OPCML: variants seen among roughly 807,000 people sequenced by gnomAD.
The protein encoded by OPCML is opioid binding protein/cell adhesion molecule like, also known as opioid-binding protein/cell adhesion molecule.
OPCML carries 13 observed loss-of-function variants against 37.8 expected under a neutral mutation model. That is an observed-to-expected ratio of 0.34 (90% CI 0.22 to 0.55). The LOEUF (loss-of-function observed/expected upper bound fraction) is 0.55. Ranked by LOEUF, OPCML falls within the 20% of genes least tolerant of loss-of-function variation. The pLI, the probability that OPCML is intolerant of heterozygous loss-of-function variation, is 0.91. For synonymous variants in OPCML, 176 were observed against 168.8 expected, an observed-to-expected ratio of 1.04 and a Z score of -0.33; for missense variants, 341 against 435.6, an observed-to-expected ratio of 0.78 and a Z score of 1.93.
chr11:132,526,424 G>A (rs905290413), intron 4 of OPCML, among the ~76,000 whole-genome samples: 3 of 152,002 alleles, frequency 2.0e-5, no homozygotes, highest in Non-Finnish European at 4.4e-5. Context: ...TGAGTTTTGC[G>A]ATATCCCTTA....
intron 3 of OPCML, among the ~76,000 whole-genome samples, chr11:132,570,278 A>G (rs1203408381): frequency 6.6e-6 from 1 of 152,150 alleles, no homozygotes; most frequent in African/African-American, 2.4e-5. Flanking sequence ...TAGAAGTCAC[A>G]TGGCCTTTGA....
chr11:133,377,240 C>T (rs970200339), intron 1 of OPCML, among the ~76,000 whole-genome samples: 32 of 152,222 alleles, frequency 2.1e-4, no homozygotes, highest in Middle Eastern at 6.8e-3. Flanking sequence ...TTGCGGCAGC[C>T]ATTCGCTCTG....
chr11:133,234,034 A>G (rs1448918693), intron 1 of OPCML, among the ~76,000 whole-genome samples: 1 of 152,220 alleles, frequency 6.6e-6, no homozygotes, highest in Non-Finnish European at 1.5e-5. Context: ...AGCTATCTGC[A>G]TTAACCAGGA....
chr11:132,648,605 C>T (rs1308165293), intron 3 of OPCML, among the ~76,000 whole-genome samples: 2 of 151,676 alleles, frequency 1.3e-5, no homozygotes, highest in African/African-American at 4.9e-5. Flanking sequence ...CTGCAACCTC[C>T]GCCTCCCTGC....
intron 2 of OPCML, among the ~76,000 whole-genome samples, chr11:132,710,950 C>T (rs2135948280): frequency 6.6e-6 from 1 of 152,210 alleles, no homozygotes; most frequent in South Asian, 2.1e-4. Context: ...TCATAGGGAA[C>T]ACACAGTGAA....
At chr11:132,703,600 G>A (rs1943915686) in intron 2 of OPCML, among the ~76,000 whole-genome samples, 1 of 152,198 alleles carries the variant, frequency 6.6e-6, no homozygotes, top group Non-Finnish European at 1.5e-5. Flanking sequence ...CAGTAGGCTT[G>A]CTGTTAGAGT....
At chr11:133,003,176 T>C (rs368188478) in intron 1 of OPCML, among the ~76,000 whole-genome samples, 1 of 152,228 alleles carries the variant, frequency 6.6e-6, no homozygotes, top group Non-Finnish European at 1.5e-5. Context: ...CTGTGGCTGC[T>C]ATAACAAATT....
chr11:133,465,149 A>C (rs1449866866), intron 1 of OPCML, among the ~76,000 whole-genome samples: 1 of 152,160 alleles, frequency 6.6e-6, no homozygotes, highest in Non-Finnish European at 1.5e-5. Flanking sequence ...TGAAGGCTTC[A>C]AGAGAGAATC....
intron 2 of OPCML, among the ~76,000 whole-genome samples, chr11:132,886,819 T>C (rs1943440599): frequency 6.6e-6 from 1 of 152,172 alleles, no homozygotes; most frequent in Non-Finnish European, 1.5e-5. Flanking sequence ...TAAAAGCCAG[T>C]GCCCCTGCCT....
intron 3 of OPCML, among the ~76,000 whole-genome samples, chr11:132,595,684 C>T (rs977621478): frequency 2.6e-5 from 4 of 152,144 alleles, no homozygotes; most frequent in African/African-American, 4.8e-5. Context: ...TAGCAATTTC[C>T]GTCCATGACA....
At chr11:133,354,607 C>T (rs757820591) in intron 1 of OPCML, among the ~76,000 whole-genome samples, 7 of 152,218 alleles carry the variant, frequency 4.6e-5, no homozygotes, top group South Asian at 2.1e-4. Context: ...CCTCTACTTT[C>T]GCATTTAGTA....
intron 1 of OPCML, among the ~76,000 whole-genome samples, chr11:132,984,204 C>T (rs1946643534): frequency 6.6e-6 from 1 of 152,126 alleles, no homozygotes; most frequent in African/African-American, 2.4e-5. Context: ...AGGCTTAGGT[C>T]TGCTGAGACA....
intron 4 of OPCML, among the ~76,000 whole-genome samples, chr11:132,454,555 C>T (rs2096076637): frequency 3.9e-5 from 6 of 152,212 alleles, no homozygotes; most frequent in Admixed American, 2.0e-4. Flanking sequence ...GCGACAGCCT[C>T]GCAGAGGGCT....
chr11:133,452,637 C>T (rs906237110), intron 1 of OPCML, among the ~76,000 whole-genome samples: 2 of 151,442 alleles, frequency 1.3e-5, no homozygotes, highest in South Asian at 2.1e-4. Context: ...CATAGTGAGA[C>T]CCTTATCTCA....
intron 2 of OPCML, among the ~76,000 whole-genome samples, chr11:132,676,326 A>G (rs1942699873): frequency 6.6e-6 from 1 of 152,182 alleles, no homozygotes; most frequent in South Asian, 2.1e-4. Flanking sequence ...TAAAAGTTAC[A>G]ACTCTCTTAG....
chr11:132,947,123 T>C (rs1175452040), intron 1 of OPCML, among the ~76,000 whole-genome samples: 1 of 152,034 alleles, frequency 6.6e-6, no homozygotes, highest in African/African-American at 2.4e-5. Flanking sequence ...TTCTATTGCT[T>C]CTCAAGAGAC....
chr11:133,225,190 T>C (rs1592120906), intron 1 of OPCML, among the ~76,000 whole-genome samples: 1 of 152,224 alleles, frequency 6.6e-6, no homozygotes, highest in Non-Finnish European at 1.5e-5. Context: ...TTGCTACTTA[T>C]GGATGGAAAA....
chr11:132,493,083 T>C (rs937310305), intron 4 of OPCML, among the ~76,000 whole-genome samples: 2 of 152,214 alleles, frequency 1.3e-5, no homozygotes, highest in Non-Finnish European at 2.9e-5. Context: ...AAAGAAGCCA[T>C]AAAAAGTAAA....
intron 1 of OPCML, among the ~76,000 whole-genome samples, chr11:133,344,347 T>C (rs1943947493): frequency 6.6e-6 from 1 of 152,216 alleles, no homozygotes; most frequent in Admixed American, 6.5e-5. Flanking sequence ...CCTACTGCTA[T>C]AGTCCTGGCA....
Sources: gnomAD v4.1 joint callset for allele counts (sites outside exome capture counted in the v4.1 genomes callset) on GRCh38, gnomAD v4.1.1 for gene constraint, MANE v1.5 for transcripts, NCBI Gene and HGNC (gene_info 2026-07-23, HGNC 2026-07-21) for gene names.